Variants in PRTG observed in about 807,000 individuals in gnomAD.
PRTG encodes the protein immunoglobulin superfamily, DCC subclass, member 5.
PRTG carries 67 observed loss-of-function variants against 122.5 expected under a neutral mutation model. The observed-to-expected ratio is 0.55, with a 90% confidence interval of 0.45 to 0.67. The LOEUF is 0.67. PRTG is among the 30% of genes least tolerant of loss of function. PRTG has a pLI of 0.00. For synonymous variants in PRTG, 554 were observed against 501.1 expected (o/e 1.11, Z -1.41); for missense variants, 1,435 against 1,415.4 (o/e 1.01, Z -0.22).
In PRTG at chr15:55,628,918, C is replaced by T; in HGVS notation, c.2710G>A (p.Gly904Arg). 2.5e-6 allele frequency: 4 copies of T among 1,613,976 alleles called. No homozygotes were observed. Among genetic ancestry groups the T allele is most frequent in the Non-Finnish European group, 3.4e-6 (4 of 1,179,878 alleles). The change falls in exon 16 of 20, where the codon GGA becomes AGA. Residue 904 changes from glycine to arginine, a missense_variant. Coordinates refer to ENST00000389286, the MANE Select transcript of PRTG (RefSeq NM_173814.6). ...AGCTCCACAGAATTTGAAAAGGGTC[C>T]TTCTCCCACCTCATTGGATGCAGAT... Reference protein sequence around the residue: ...KISASNEVGEGPFSNSVELAV... With the variant: ...KISASNEVGERPFSNSVELAV...
At chr15:55,738,584 T>A in intron 2 of PRTG, 1 of 693,268 alleles carries the variant, frequency 1.4e-6, no homozygotes. Flanking sequence ...AACAACTCTA[T>A]AGAACAAGTT....
chr15:55,671,179 T>C (rs1484380534), intron 11 of PRTG, among the ~76,000 whole-genome samples: 2 of 152,176 alleles, frequency 1.3e-5, no homozygotes, highest in Non-Finnish European at 2.9e-5. Flanking sequence ...TCAAATCTAA[T>C]GCTGCTCACA....
chr15:55,738,051 CCA>C (rs1298773955), intron 2 of PRTG, among the ~76,000 whole-genome samples: 46 of 81,888 alleles, frequency 5.6e-4, no homozygotes, highest in Admixed American at 3.8e-3. Context: ...CACACACACA[CCA>C]CACACACTCT....
chr15:55,728,211 T>C (rs1330834900), intron 2 of PRTG, among the ~76,000 whole-genome samples: 1 of 152,162 alleles, frequency 6.6e-6, no homozygotes, highest in Non-Finnish European at 1.5e-5. Context: ...CTTCTCAAAA[T>C]CTTCCAAAAC....
chr15:55,669,582 T>C (rs2059456978), intron 11 of PRTG, among the ~76,000 whole-genome samples: 1 of 152,228 alleles, frequency 6.6e-6, no homozygotes, highest in Non-Finnish European at 1.5e-5. Flanking sequence ...CGTATTTGAC[T>C]GCTACAAGTT....
intron 18 of PRTG, among the ~76,000 whole-genome samples, chr15:55,622,682 C>T (rs899489406): frequency 2.6e-5 from 4 of 151,866 alleles, no homozygotes; most frequent in South Asian, 4.2e-4. Context: ...TGAGCCACCG[C>T]GCCCGGCCAC....
chr15:55,650,782 C>G (rs887806212), intron 11 of PRTG, among the ~76,000 whole-genome samples: 6 of 152,032 alleles, frequency 3.9e-5, no homozygotes, highest in Non-Finnish European at 7.4e-5. Context: ...CCGGGCAACA[C>G]AGCAAAGCCC....
At chr15:55,693,316 CG>C (rs2059614874) in intron 2 of PRTG, among the ~76,000 whole-genome samples, 1 of 152,066 alleles carries the variant, frequency 6.6e-6, no homozygotes, top group Non-Finnish European at 1.5e-5. Context: ...ATCAGCCGGG[CG>C]TGGCGGCGCA....
intron 2 of PRTG, among the ~76,000 whole-genome samples, chr15:55,733,219 A>G (rs752149827): frequency 1.3e-5 from 2 of 151,624 alleles, no homozygotes; most frequent in Non-Finnish European, 2.9e-5. Context: ...AAAAATAGTA[A>G]ATGGAGGCCA....
At chr15:55,705,755 G>T (rs994971225) in intron 2 of PRTG, among the ~76,000 whole-genome samples, 1 of 151,570 alleles carries the variant, frequency 6.6e-6, no homozygotes, top group African/African-American at 2.4e-5. Context: ...ACCTATTTCT[G>T]ATCAACATCA....
Position 55,614,311 on chromosome 15 carries a change from G to A in PRTG, c.*5701C>T, listed in dbSNP as rs2059133076. The A allele has an allele frequency of 6.6e-6, 1 of 152,120 alleles. No individual in the cohort carries two copies. Among genetic ancestry groups the A allele is most frequent in the Admixed American group, 6.6e-5 (1 of 15,262 alleles). 9.4% of individuals were successfully genotyped at this position (152,120 alleles called of 1,614,324 possible). ...TATATACATGCTGATGGCATAAGGA[G>A]AGGCTCTTGCTGAGAAGGATGGGGA... On this transcript the variant is annotated 3_prime_UTR_variant, in exon 20 of 20. Transcript: ENST00000389286.
At chr15:55,656,059 C>T (rs1595623786) in intron 11 of PRTG, 1 of 175,068 alleles carries the variant, frequency 5.7e-6, no homozygotes, top group East Asian at 1.7e-4. Context: ...CATTTTCCCC[C>T]TAAAAAGGGA....
chr15:55,635,624 T>G (rs1371698904), intron 15 of PRTG, among the ~76,000 whole-genome samples: 1 of 152,176 alleles, frequency 6.6e-6, no homozygotes, highest in Admixed American at 6.5e-5. Context: ...TTCAAGTCCC[T>G]TCAGTGACCA....
In PRTG at chr15:55,668,657, CT is replaced by C. The variant is rs2059451358; in HGVS notation, c.2041+3787del. ...AATGTATTAAATCACAAGTCTAATG[CT>C]TTTTTCCAACCCCACCACCAAAGTA... On this transcript the variant is annotated intron_variant, in intron 11 of 19. Coordinates refer to ENST00000389286, the MANE Select transcript of PRTG (RefSeq NM_173814.6). Among the ~76,000 whole-genome samples the C allele has an allele frequency of 2.6e-5, 4 of 152,222 alleles. No individual in the cohort carries two copies. In the South Asian group the frequency reaches 8.3e-4, roughly 32 times the overall value.
At chr15:55,656,341 T>C (rs979188622) in intron 11 of PRTG, 5 of 455,766 alleles carry the variant, frequency 1.1e-5, no homozygotes, top group African/African-American at 2.0e-5. Flanking sequence ...GATGGTTTCA[T>C]TATTAGATTC....
intron 2 of PRTG, among the ~76,000 whole-genome samples, chr15:55,703,312 A>C (rs2029961660): frequency 6.6e-6 from 1 of 152,200 alleles, no homozygotes; most frequent in South Asian, 2.1e-4. Flanking sequence ...TACAATATTG[A>C]ATTCACAATC....
intron 2 of PRTG, among the ~76,000 whole-genome samples, chr15:55,693,067 C>G (rs1048001504): frequency 5.3e-5 from 8 of 151,332 alleles, no homozygotes; most frequent in African/African-American, 1.9e-4. Flanking sequence ...CCAGGCTGGT[C>G]TTGAACTCCT....
At chr15:55,725,584 A>T (rs1595679439) in intron 2 of PRTG, among the ~76,000 whole-genome samples, 1 of 150,986 alleles carries the variant, frequency 6.6e-6, no homozygotes, top group East Asian at 1.9e-4. Flanking sequence ...TGAGACAGTG[A>T]CCCTGTCTCA....
In PRTG at chr15:55,645,390, C is replaced by T. The variant is rs1390186840; in HGVS notation, c.2042-4182G>A. On this transcript the variant is annotated intron_variant, in intron 11 of 19. Transcript: ENST00000389286. The stretch of plus-strand genomic sequence containing the variant: ...CGGAGCTTGCAGTGAGTCGAGATCG[C>T]GCCACTGCACTCCAGCCTGGGCGAC... 1.1e-4 allele frequency among the ~76,000 whole-genome samples: 12 copies of T among 112,996 alleles called. 1 individual carries two copies. Among genetic ancestry groups the T allele is most frequent in the South Asian group, 7.1e-4 (2 of 2,814 alleles). The allele number at this position is 112,996 out of a possible 152,430, so 74.1% of individuals were successfully genotyped here.
Sources: gnomAD v4.1 joint callset for allele counts (sites outside exome capture counted in the v4.1 genomes callset) on GRCh38, gnomAD v4.1.1 for gene constraint, MANE v1.5 for transcripts, NCBI Gene and HGNC (gene_info 2026-07-23, HGNC 2026-07-21) for gene names.